IFTAP: variants seen among roughly 807,000 people sequenced by gnomAD.
The protein encoded by IFTAP is intraflagellar transport associated protein.
A neutral mutation model predicts 19.4 loss-of-function variants in IFTAP; 19 were observed. The observed-to-expected ratio is 0.98, with a 90% CI of 0.68 to 1.44. The LOEUF (loss-of-function observed/expected upper bound fraction) is 1.44, where lower values mean the gene tolerates loss of function less well. IFTAP is among the 40% of genes most tolerant of loss of function. The probability of loss-of-function intolerance (pLI) is 0.00; values close to 1 mark genes in which losing one functional copy is unlikely to be tolerated. For synonymous variants in IFTAP, 85 were observed against 83.5 expected, an observed-to-expected ratio of 1.02 and a Z score of -0.10; for missense variants, 240 against 253.6, an observed-to-expected ratio of 0.95 and a Z score of 0.36.
At chr11:36,643,667 A>T (rs544867842) in intron 4 of IFTAP, among the ~76,000 whole-genome samples, 1 of 152,348 alleles carries the variant, frequency 6.6e-6, no homozygotes. Flanking sequence ...CCAATGGAAA[A>T]GAACAGAGCC....
chr11:36,611,692 G>C (rs1227628779), intron 2 of IFTAP, among the ~76,000 whole-genome samples: 1 of 152,028 alleles, frequency 6.6e-6, no homozygotes, highest in Non-Finnish European at 1.5e-5. Context: ...ACATAGATGT[G>C]GTGATTTTTG....
Position 36,600,057 on chromosome 11 carries a change from T to C in IFTAP, c.-24+5465T>C, listed in dbSNP as rs1007588735. On this transcript the variant is annotated intron_variant, in intron 1 of 5. Transcript: ENST00000334307. Reference sequence around the variant, plus strand: ...GTCTCTTGACAAGACTAGAAATTAGTAGCACATTTGAAAATGGGTTTTAAG... The same window carrying C: ...GTCTCTTGACAAGACTAGAAATTAGCAGCACATTTGAAAATGGGTTTTAAG... 3.3e-5 allele frequency among the ~76,000 whole-genome samples: 5 copies of C among 152,230 alleles called. No individual in the cohort carries two copies. The East Asian group carries it at 5.8e-4, about 18-fold the overall frequency.
intron 2 of IFTAP, among the ~76,000 whole-genome samples, chr11:36,621,973 A>G (rs1253734136): frequency 6.6e-6 from 1 of 152,046 alleles, no homozygotes; most frequent in Non-Finnish European, 1.5e-5. Context: ...TTGGGGTCTC[A>G]GTTTTAGATT....
chr11:36,617,042 C>G (rs1852117262), intron 2 of IFTAP, among the ~76,000 whole-genome samples: 1 of 151,354 alleles, frequency 6.6e-6, no homozygotes, highest in Non-Finnish European at 1.5e-5. Context: ...AAGCATAAAA[C>G]ATACACTGGA....
At chr11:36,624,062 G>T (rs973652993) in intron 2 of IFTAP, among the ~76,000 whole-genome samples, 1 of 152,020 alleles carries the variant, frequency 6.6e-6, no homozygotes, top group Non-Finnish European at 1.5e-5. Flanking sequence ...GGAAGAAGAT[G>T]CATGTAGGTA....
intron 2 of IFTAP, among the ~76,000 whole-genome samples, chr11:36,628,469 C>G (rs1156383331): frequency 2.0e-5 from 3 of 151,278 alleles, no homozygotes; most frequent in African/African-American, 7.4e-5. Flanking sequence ...TTCTATCTCT[C>G]TTATATCATC....
At chr11:36,627,000 C>A in intron 2 of IFTAP, among the ~76,000 whole-genome samples, 1 of 151,096 alleles carries the variant, frequency 6.6e-6, no homozygotes, top group African/African-American at 2.5e-5. Flanking sequence ...ATACAACGGA[C>A]TATTATTTGA....
intron 2 of IFTAP, among the ~76,000 whole-genome samples, chr11:36,617,447 T>G: frequency 6.6e-6 from 1 of 151,888 alleles, no homozygotes; most frequent in Admixed American, 6.6e-5. Context: ...ATATATAAAC[T>G]TTTGGCTTAT....
At chr11:36,609,102 C>G in intron 1 of IFTAP, among the ~76,000 whole-genome samples, 1 of 152,106 alleles carries the variant, frequency 6.6e-6, no homozygotes, top group East Asian at 1.9e-4. Flanking sequence ...ACAACTGTTT[C>G]CCATACAGCA....
chr11:36,625,306 A>T (rs1441344249), intron 2 of IFTAP, among the ~76,000 whole-genome samples: 1 of 152,172 alleles, frequency 6.6e-6, no homozygotes, highest in Non-Finnish European at 1.5e-5. Context: ...TAAAGGCTCA[A>T]CCTAATATTT....
At chr11:36,605,243 C>T (rs953846418) in intron 1 of IFTAP, among the ~76,000 whole-genome samples, 1 of 151,738 alleles carries the variant, frequency 6.6e-6, no homozygotes, top group Admixed American at 6.6e-5. Flanking sequence ...TTTGATAGAC[C>T]TGCACAACTC....
chr11:36,615,032 C>A (rs1396044958), intron 2 of IFTAP, among the ~76,000 whole-genome samples: 3 of 136,870 alleles, frequency 2.2e-5, no homozygotes, highest in African/African-American at 8.8e-5. Flanking sequence ...AGGTTTTCTT[C>A]TAGGGTTTTT....
At chr11:36,631,993 T>C (rs1407731469) in intron 2 of IFTAP, among the ~76,000 whole-genome samples, 1 of 151,252 alleles carries the variant, frequency 6.6e-6, no homozygotes, top group Non-Finnish European at 1.5e-5. Context: ...ACCTTTTCTT[T>C]TCATTTACTG....
chr11:36,633,198 T>A, intron 2 of IFTAP, 86 bp from the exon 3 acceptor site: 2 of 1,235,048 alleles, frequency 1.6e-6, no homozygotes, highest in South Asian at 4.6e-5. Context: ...TTCTTTTTCA[T>A]TGGAAGAAAC....
intron 2 of IFTAP, among the ~76,000 whole-genome samples, chr11:36,626,371 C>G (rs1306761946): frequency 1.3e-5 from 2 of 151,164 alleles, no homozygotes; most frequent in Non-Finnish European, 2.9e-5. Context: ...TTTTAAGGGA[C>G]TAGATTATAT....
chr11:36,635,548 G>A (rs1314479244), intron 3 of IFTAP, among the ~76,000 whole-genome samples: 1 of 152,116 alleles, frequency 6.6e-6, no homozygotes. Flanking sequence ...CACATCTCTT[G>A]TGATTTTGTT....
intron 4 of IFTAP, among the ~76,000 whole-genome samples, chr11:36,637,939 G>A (rs1451397992): frequency 6.7e-6 from 1 of 150,360 alleles, no homozygotes; most frequent in African/African-American, 2.5e-5. Flanking sequence ...GGAGTGCAAT[G>A]GCATGATCTC....
At chr11:36,638,783 C>T (rs1177478916) in intron 4 of IFTAP, among the ~76,000 whole-genome samples, 2 of 152,204 alleles carry the variant, frequency 1.3e-5, no homozygotes, top group Non-Finnish European at 2.9e-5. Context: ...AAGTGGCTTG[C>T]ATATTGTTTT....
chr11:36,645,096 T>A (rs1242993246), intron 4 of IFTAP, among the ~76,000 whole-genome samples: 1 of 152,164 alleles, frequency 6.6e-6, no homozygotes, highest in African/African-American at 2.4e-5. Context: ...CAGGAAATGT[T>A]GGCCATTTTA....
Sources: allele counts gnomAD v4.1 joint callset (sites outside exome capture counted in the v4.1 genomes callset), GRCh38; gene constraint gnomAD v4.1.1; transcripts MANE v1.5; gene names NCBI Gene and HGNC (gene_info 2026-07-23, HGNC 2026-07-21).